Variants in NRCAM observed in about 807,000 individuals in gnomAD.
NRCAM encodes neuronal cell adhesion molecule, also known as NgCAM-related cell adhesion molecule.
In NRCAM, 83 loss-of-function variants were observed where a neutral mutation model predicts 156.5. The ratio of observed to expected loss-of-function variants is 0.53; its 90% CI spans 0.44 to 0.64. The LOEUF is 0.64. Among genes scored for constraint, NRCAM ranks in the 30% least tolerant of loss-of-function variants. The pLI is 0.00. For synonymous variants in NRCAM, 538 were observed against 563.9 expected (o/e 0.95, Z 0.65); for missense variants, 1,417 against 1,597.3 (o/e 0.89, Z 1.92).
intron 2 of NRCAM, among the ~76,000 whole-genome samples, chr7:108,385,420 T>A (rs768085100): frequency 5.9e-5 from 9 of 152,124 alleles, no homozygotes; most frequent in Non-Finnish European, 1.3e-4. Context: ...TGGGCTAGAA[T>A]AATCAAGGAA....
chr7:108,378,702 C>T (rs1472139493), intron 2 of NRCAM, among the ~76,000 whole-genome samples: 1 of 148,186 alleles, frequency 6.7e-6, no homozygotes, highest in Non-Finnish European at 1.5e-5. Context: ...CTCCAAGACA[C>T]ACACTACGGT....
At chr7:108,431,661 C>T (rs1043598176) in intron 1 of NRCAM, among the ~76,000 whole-genome samples, 3 of 152,014 alleles carry the variant, frequency 2.0e-5, no homozygotes, top group Non-Finnish European at 4.4e-5. Context: ...GACATGCACC[C>T]GTAGTCCCAG....
chr7:108,221,127 C>T (rs567320825), intron 11 of NRCAM, among the ~76,000 whole-genome samples: 8 of 152,208 alleles, frequency 5.3e-5, no homozygotes, highest in East Asian at 3.9e-4. Context: ...CAGGGAAATG[C>T]AAATCAAAAC....
In NRCAM at chr7:108,149,209, C is replaced by G. The variant is rs1457341760; in HGVS notation, c.*701G>C. On this transcript the variant is annotated 3_prime_UTR_variant, in exon 33 of 33. Coordinates refer to ENST00000379028, the MANE Select transcript of NRCAM (RefSeq NM_001037132.4). Reference sequence around the variant, plus strand: ...ACACATTGTTTATGCCTAAAAACAACCGAACATAGAAATGATGTAAAAAGT... The same window carrying G: ...ACACATTGTTTATGCCTAAAAACAAGCGAACATAGAAATGATGTAAAAAGT... 1 of 152,602 alleles carries G rather than the reference C, an allele frequency of 6.6e-6. No individual in the cohort carries two copies. Among genetic ancestry groups the G allele is most frequent in the Admixed American group, 6.5e-5 (1 of 15,282 alleles). 9.5% of individuals were successfully genotyped at this position (152,602 alleles called of 1,614,324 possible).
chr7:108,335,559 T>C (rs2099176147), intron 2 of NRCAM, among the ~76,000 whole-genome samples: 2 of 151,802 alleles, frequency 1.3e-5, no homozygotes, highest in African/African-American at 4.8e-5. Context: ...ACTATTTTGA[T>C]CTCTCTTCTA....
Position 108,334,045 on chromosome 7 carries a change from T to C in NRCAM, c.-173-21314A>G, listed in dbSNP as rs374999090. On this transcript the variant is annotated intron_variant, in intron 2 of 32. Transcript: ENST00000379028. Reference sequence around the variant, plus strand: ...CAAATATTTTTCATATTGCTAACAATATTCAGAATTGTAATTTCAAGTGAA... The same window carrying C: ...CAAATATTTTTCATATTGCTAACAACATTCAGAATTGTAATTTCAAGTGAA... 2.2e-4 allele frequency among the ~76,000 whole-genome samples: 34 copies of C among 152,328 alleles called. No individual in the cohort carries two copies. The East Asian group carries it at 3.7e-3, about 16-fold the overall frequency.
rs145883356 is a variant in NRCAM at position 108,319,380 on chromosome 7, C to G, written c.-173-6649G>C. On this transcript the variant is annotated intron_variant, in intron 2 of 32. Transcript: ENST00000379028. ...TGGGCACTGAGGATGCAGTAATAAA[C>G]AGAATAGAAAAAATCCCTGCCCTCA... Among the ~76,000 whole-genome samples, 1,020 of 152,230 alleles carry G rather than the reference C, an allele frequency of 6.7e-3. 1 individual carries two copies. Among genetic ancestry groups the G allele is most frequent in the Non-Finnish European group, 0.011 (716 of 68,006 alleles).
intron 30 of NRCAM, among the ~76,000 whole-genome samples, chr7:108,163,399 C>T (rs1396720399): frequency 6.6e-6 from 1 of 152,126 alleles, no homozygotes; most frequent in Non-Finnish European, 1.5e-5. Context: ...ATAGAATCAA[C>T]ACAGAAGAGA....
rs537544811 is a variant in NRCAM at position 108,149,663 on chromosome 7, T to C, written c.*247A>G. The C allele has an allele frequency of 3.3e-4, 164 of 499,744 alleles. 1 individual carries two copies. Among genetic ancestry groups the C allele is most frequent in the Admixed American group, 1.8e-3 (47 of 26,572 alleles). 31.0% of individuals were successfully genotyped at this position (499,744 alleles called of 1,614,324 possible). On this transcript the variant is annotated 3_prime_UTR_variant, in exon 33 of 33. Transcript: ENST00000379028. Reference sequence around the variant, plus strand: ...ACAGGATCTGTTGGTGATGTTGCATTATTTTTTATCAGTTCTGAGGAAATC... The same window carrying C: ...ACAGGATCTGTTGGTGATGTTGCATCATTTTTTATCAGTTCTGAGGAAATC...
chr7:108,256,595 C>G (rs1269649), intron 3 of NRCAM, among the ~76,000 whole-genome samples: 58,882 of 149,486 alleles, frequency 0.39, 13,336 homozygotes, highest in East Asian at 0.84. Context: ...ATCCCCCTCT[C>G]CGAGAAACAC....
At chr7:108,324,422 C>A (rs1331779272) in intron 2 of NRCAM, among the ~76,000 whole-genome samples, 1 of 152,114 alleles carries the variant, frequency 6.6e-6, no homozygotes, top group Non-Finnish European at 1.5e-5. Flanking sequence ...AATAATAATG[C>A]TTGTCTTCAC....
In NRCAM at chr7:108,194,421, C is replaced by T; in HGVS notation, c.1471G>A (p.Gly491Arg). 1 of 1,585,074 alleles carries T rather than the reference C, an allele frequency of 6.3e-7. No individual in the cohort carries two copies. Among genetic ancestry groups the T allele is most frequent in the Non-Finnish European group, 8.6e-7 (1 of 1,166,334 alleles). The change falls in exon 16 of 33, where the codon GGA (glycine) becomes AGA (arginine). Residue 491 changes from glycine (G) to arginine (R), a missense_variant. Gly to Arg is a moderately radical substitution (Grantham distance 125). This residue lies in a region of NRCAM where 1,238 missense variants were observed against 1,336.4 expected (regional missense o/e 0.93). Coordinates refer to ENST00000379028, the MANE Select transcript of NRCAM (RefSeq NM_001037132.4). ...TCATGAAGAGCACTTCCTTTAGCTC[C>T]TTTAAACCTTCATTACAGAAATTAT... Reference protein sequence around the residue: ...SPLPTIEWFKGAKGSALHEDI... With the variant: ...SPLPTIEWFKRAKGSALHEDI...
At chr7:108,253,930 A>G (rs575810734) in intron 3 of NRCAM, among the ~76,000 whole-genome samples, 1 of 152,216 alleles carries the variant, frequency 6.6e-6, no homozygotes, top group Non-Finnish European at 1.5e-5. Flanking sequence ...TCCTGCTCCT[A>G]TCACTACCCC....
intron 3 of NRCAM, among the ~76,000 whole-genome samples, chr7:108,254,238 T>C (rs537900059): frequency 6.6e-5 from 10 of 152,158 alleles, no homozygotes; most frequent in Non-Finnish European, 1.5e-4. Context: ...ATAAAGGACT[T>C]GTATCTACAA....
At chr7:108,406,599 C>G (rs1039392460) in intron 1 of NRCAM, among the ~76,000 whole-genome samples, 1 of 152,208 alleles carries the variant, frequency 6.6e-6, no homozygotes, top group African/African-American at 2.4e-5. Context: ...TATGCAGCAA[C>G]CTGCTTATTT....
rs200400236 is a variant in NRCAM, at chr7:108,181,926, C to T, written c.2542G>A (p.Ala848Thr). 7.4e-6 allele frequency: 12 copies of T among 1,613,014 alleles called. No individual in the cohort carries two copies. The highest frequency in any genetic ancestry group is 2.2e-5 in the East Asian group (1 of 44,882). Residue 848 changes from alanine (A) to threonine (T), a missense_variant, in exon 24 of 33, where the codon GCT (alanine) becomes ACT (threonine). By Grantham distance (58) the Ala-to-Thr change is moderately conservative. Coordinates refer to ENST00000379028, the MANE Select transcript of NRCAM (RefSeq NM_001037132.4). ...GHSGEDLPMV[A>T]PGNVRVNVVN... is the part of the protein sequence containing the mutation. ...ACATTCACACGCACGTTCCCAGGAG[C>T]CACCATTGGGACTAGGAAAAGGACA...
intron 3 of NRCAM, among the ~76,000 whole-genome samples, chr7:108,243,499 T>C (rs2095681189): frequency 6.6e-6 from 1 of 152,188 alleles, no homozygotes; most frequent in East Asian, 1.9e-4. Context: ...TCATTCTTCA[T>C]TAAGTGAGAA....
chr7:108,204,761 T>G (rs1041400717), intron 13 of NRCAM, among the ~76,000 whole-genome samples: 1 of 152,176 alleles, frequency 6.6e-6, no homozygotes, highest in East Asian at 1.9e-4. Context: ...TTTTTCTGTC[T>G]CAGGGGGCCT....
chr7:108,354,995 T>C (rs1203679425), intron 2 of NRCAM, among the ~76,000 whole-genome samples: 2 of 152,118 alleles, frequency 1.3e-5, no homozygotes, highest in Middle Eastern at 3.2e-3. Flanking sequence ...ATAAATATAA[T>C]GAAAGATGCG....
Sources: gnomAD v4.1 joint callset for allele counts (sites outside exome capture counted in the v4.1 genomes callset) on GRCh38, gnomAD v4.1.1 for gene constraint, gnomAD v4.1.1 regional missense constraint, MANE v1.5 for transcripts, NCBI Gene and HGNC (gene_info 2026-07-23, HGNC 2026-07-21) for gene names.